MYO18B: variants seen among roughly 807,000 people sequenced by gnomAD.
MYO18B encodes myosin XVIIIB, also known as unconventional myosin-XVIIIb.
In MYO18B, 204 loss-of-function variants were observed where a neutral mutation model predicts 273.0. The ratio of observed to expected loss-of-function variants is 0.75; its 90% CI spans 0.67 to 0.84. The LOEUF is 0.84. Among genes scored for constraint, MYO18B ranks in the 40% least tolerant of loss-of-function variants. The pLI is 0.00. For synonymous variants in MYO18B, 1,330 were observed against 1,305.7 expected (o/e 1.02, Z -0.40); for missense variants, 3,212 against 3,287.6 (o/e 0.98, Z 0.56).
chr22:25,980,978 G>A (rs1295601667), intron 39 of MYO18B, among the ~76,000 whole-genome samples: 1 of 152,158 alleles, frequency 6.6e-6, no homozygotes, highest in African/African-American at 2.4e-5. Flanking sequence ...AAGTTTTGAT[G>A]TTCTTGGCTT....
At chr22:25,858,395 T>C (rs1327073512) in intron 21 of MYO18B, among the ~76,000 whole-genome samples, 1 of 152,194 alleles carries the variant, frequency 6.6e-6, no homozygotes, top group Non-Finnish European at 1.5e-5. Context: ...AGCCAAATGG[T>C]TCACAGGATG....
chr22:25,945,742 GCCTCC>G (rs1380871918), intron 34 of MYO18B, among the ~76,000 whole-genome samples: 2 of 4,302 alleles, frequency 4.6e-4, no homozygotes, highest in Admixed American at 3.1e-3. Context: ...GCCTCCCCTC[GCCTCC>G]CCTCCCCTCC....
intron 29 of MYO18B, 66 bp from the exon 30 acceptor site, chr22:25,902,547 C>G: frequency 6.5e-7 from 1 of 1,541,714 alleles, no homozygotes; most frequent in Non-Finnish European, 8.8e-7. Context: ...CCCTCCCTGC[C>G]CCTGCCTCAA....
In MYO18B at chr22:25,780,176, G is replaced by A. The variant is rs754694367; in HGVS notation, c.2189G>A (p.Arg730His). ...TCGCTGGACTTCAACGCTACAGGCC[G>A]CATCACAGCTGCTCAGCTCCAGGTG... ...VMSLDFNATG[R>H]ITAAQLQTML... Residue 730 changes from arginine to histidine, a missense_variant, in exon 9 of 44, where the codon CGC becomes CAC. Arg to His is a conservative substitution (Grantham distance 29). Coordinates refer to ENST00000335473, the MANE Select transcript of MYO18B (RefSeq NM_032608.7). 5.7e-5 allele frequency: 92 copies of A among 1,605,070 alleles called. No homozygotes were observed. In the South Asian group the frequency reaches 6.4e-4, roughly 11 times the overall value.
chr22:25,976,920 G>A (rs1480509329), intron 39 of MYO18B, among the ~76,000 whole-genome samples: 1 of 152,218 alleles, frequency 6.6e-6, no homozygotes, highest in East Asian at 1.9e-4. Context: ...GAAAAGAGAA[G>A]TGTGTCTCTG....
intron 12 of MYO18B, among the ~76,000 whole-genome samples, chr22:25,804,005 CACACAT>C (rs1225484218): frequency 7.4e-5 from 11 of 148,896 alleles, no homozygotes; most frequent in Non-Finnish European, 1.4e-4. Flanking sequence ...CACACACACA[CACACAT>C]ATTTTATAGA....
intron 11 of MYO18B, among the ~76,000 whole-genome samples, chr22:25,792,493 T>TTC (rs2087713647): frequency 2.2e-4 from 5 of 23,008 alleles, no homozygotes; most frequent in African/African-American, 8.4e-4. Context: ...TTTTTTTTTC[T>TTC]TTTCTTTTTT....
intron 40 of MYO18B, among the ~76,000 whole-genome samples, 153 bp from the exon 41 acceptor site, chr22:26,003,112 G>A (rs761156379): frequency 1.1e-4 from 17 of 152,226 alleles, no homozygotes; most frequent in Non-Finnish European, 1.9e-4. Flanking sequence ...AGGAAGAAAG[G>A]AAGCTCAGGG....
intron 42 of MYO18B, among the ~76,000 whole-genome samples, chr22:26,015,837 C>G (rs1030487171): frequency 6.6e-6 from 1 of 152,140 alleles, no homozygotes; most frequent in South Asian, 2.1e-4. Flanking sequence ...TAGGGAAACA[C>G]GAACTTTCAC....
chr22:25,768,344 C>A lies in MYO18B; in HGVS notation c.428C>A (p.Pro143His). 6.2e-7 allele frequency: 1 copy of A among 1,613,686 alleles called. No individual in the cohort carries two copies. Among genetic ancestry groups the A allele is most frequent in the South Asian group, 1.1e-5 (1 of 91,016 alleles). The change falls in exon 4 of 44, where the codon CCC becomes CAC. Residue 143 changes from proline (P) to histidine (H), a missense_variant. By Grantham distance (77) the Pro-to-His change is moderately conservative. Coordinates refer to ENST00000335473, the MANE Select transcript of MYO18B (RefSeq NM_032608.7). Reference sequence around the variant, plus strand: ...GCGACACCAACCAAAAAGACTGTCCCCTTCAAGAGGGGCGTGAGGAGGGGT... The same window carrying A: ...GCGACACCAACCAAAAAGACTGTCCACTTCAAGAGGGGCGTGAGGAGGGGT... ...SSATPTKKTV[P>H]FKRGVRRGDV...
Position 26,003,262 on chromosome 22 carries a change from T to G in MYO18B, c.6288-3T>G, listed in dbSNP as rs757166606. On this transcript the variant is annotated splice_region_variant and splice_polypyrimidine_tract_variant and intron_variant, in intron 40 of 43. Coordinates refer to ENST00000335473, the MANE Select transcript of MYO18B (RefSeq NM_032608.7). Reference sequence around the variant, plus strand: ...ACACACTCTTTCTTGTGCCTCTTACTAGTGTCCAGACGGCAGTGGATTGTG... The same window carrying G: ...ACACACTCTTTCTTGTGCCTCTTACGAGTGTCCAGACGGCAGTGGATTGTG... 26 of 1,608,282 alleles carry G rather than the reference T, an allele frequency of 1.6e-5. No individual in the cohort carries two copies. Among genetic ancestry groups the G allele is most frequent in the Admixed American group, 6.8e-5 (4 of 59,196 alleles).
At chr22:25,918,405 G>T (rs1484149538) in intron 33 of MYO18B, among the ~76,000 whole-genome samples, 1 of 152,248 alleles carries the variant, frequency 6.6e-6, no homozygotes, top group Non-Finnish European at 1.5e-5. Flanking sequence ...TAAACATCAT[G>T]TAGATTTATT....
At chr22:26,041,226 G>T in the MYO18B span, among the ~76,000 whole-genome samples, 2 of 151,684 alleles carry the variant, frequency 1.3e-5, no homozygotes, top group African/African-American at 4.8e-5. Flanking sequence ...TTCCAATGTG[G>T]CCCAGGGAAG....
At chr22:25,877,918 C>A in intron 24 of MYO18B, 41 bp from the exon 25 acceptor site, 1 of 1,520,082 alleles carries the variant, frequency 6.6e-7, no homozygotes, top group East Asian at 2.4e-5. Context: ...AACTTAATCT[C>A]TGGCCTGGAA....
At chr22:25,848,157 G>A (rs1470883330) in intron 20 of MYO18B, among the ~76,000 whole-genome samples, 1 of 152,178 alleles carries the variant, frequency 6.6e-6, no homozygotes, top group Non-Finnish European at 1.5e-5. Context: ...TTGCAACAGA[G>A]GGTGGAATTC....
chr22:25,845,976 A>G (rs1219413297), intron 18 of MYO18B, 124 bp from the exon 19 acceptor site: 1 of 807,668 alleles, frequency 1.2e-6, no homozygotes, highest in East Asian at 3.0e-5. Context: ...ACATGACTGT[A>G]GAGGAGGCTT....
At chr22:25,832,097 A>G (rs1329033315) in intron 15 of MYO18B, among the ~76,000 whole-genome samples, 1 of 152,230 alleles carries the variant, frequency 6.6e-6, no homozygotes, top group African/African-American at 2.4e-5. Context: ...AAAAAAAATC[A>G]GAAAATAACA....
chr22:26,058,220 G>A, the MYO18B span, among the ~76,000 whole-genome samples: 2 of 152,096 alleles, frequency 1.3e-5, no homozygotes, highest in African/African-American at 4.8e-5. Context: ...GTGATTTTTG[G>A]AGACAGGCAA....
Position 25,923,872 on chromosome 22 carries a change from C to CT in MYO18B, c.5517+2473dup, listed in dbSNP as rs560524022. Among the ~76,000 whole-genome samples the CT allele has an allele frequency of 4.7e-3, 696 of 149,558 alleles. 7 individuals carry two copies. Among genetic ancestry groups the CT allele is most frequent in the South Asian group, 0.02 (94 of 4,686 alleles). ...CCACACAGAGATTTTGTTACTTTTT[C>CT]TTTTTTTTTTATTAAGTATTCATGA... On this transcript the variant is annotated intron_variant, in intron 34 of 43. Coordinates refer to ENST00000335473, the MANE Select transcript of MYO18B (RefSeq NM_032608.7).
Sources: gnomAD v4.1 joint callset for allele counts (sites outside exome capture counted in the v4.1 genomes callset) on GRCh38, gnomAD v4.1.1 for gene constraint, MANE v1.5 for transcripts, NCBI Gene and HGNC (gene_info 2026-07-23, HGNC 2026-07-21) for gene names.